Variants in GALNT9 observed in about 807,000 individuals in gnomAD.
GALNT9 encodes GalNAc transferase 9.
Under a neutral mutation model 63.1 loss-of-function variants are expected in GALNT9, and 47 were observed. That is an observed-to-expected ratio of 0.75 (90% CI 0.59 to 0.95). The LOEUF (loss-of-function observed/expected upper bound fraction) is 0.95. Among genes scored for constraint, GALNT9 ranks in the 40% least tolerant of loss-of-function variants. GALNT9 has a pLI of 0.00. For missense variants in GALNT9, 829 were observed against 874.8 expected (o/e 0.95, Z 0.66); for synonymous variants, 396 against 365.7 (o/e 1.08, Z -0.94).
chr12:132,243,567 G>T (rs185695256), intron 6 of GALNT9, among the ~76,000 whole-genome samples: 3 of 152,154 alleles, frequency 2.0e-5, no homozygotes, highest in Non-Finnish European at 4.4e-5. Flanking sequence ...ACGTCTCTTC[G>T]TCTGGCTCCC....
In GALNT9 at chr12:132,306,513, T is replaced by C. The variant is rs552896403; in HGVS notation, c.239-20083A>G. Among the ~76,000 whole-genome samples, 144 of 152,198 alleles carry C rather than the reference T, an allele frequency of 9.5e-4. 1 individual carries two copies. The South Asian group carries it at 0.029, about 30-fold the overall frequency. On this transcript the variant is annotated intron_variant, in intron 1 of 10. Coordinates refer to ENST00000328957, the MANE Select transcript of GALNT9 (RefSeq NM_001122636.2). Reference sequence around the variant, plus strand: ...GGGGGTCTAGACTGTGGGCAACAAGTTCTTAAGGCGAAGTCAGTTCGGACA... The same window carrying C: ...GGGGGTCTAGACTGTGGGCAACAAGCTCTTAAGGCGAAGTCAGTTCGGACA...
intron 6 of GALNT9, among the ~76,000 whole-genome samples, chr12:132,225,906 CCCA>C (rs1331029385): frequency 1.6e-4 from 23 of 147,306 alleles, no homozygotes; most frequent in Non-Finnish European, 1.7e-4. Flanking sequence ...CAACCCACAC[CCCA>C]CACACTGTAC....
At chr12:132,255,781 G>A (rs1218358374) in intron 5 of GALNT9, among the ~76,000 whole-genome samples, 2 of 152,212 alleles carry the variant, frequency 1.3e-5, no homozygotes, top group African/African-American at 2.4e-5. Flanking sequence ...CAGGCTGCAC[G>A]CCTGCACGCT....
At position 132,248,015 on chromosome 12, in the gene GALNT9, C is replaced by T; in HGVS notation, c.972G>A (p.Met324Ile). Residue 324 changes from methionine to isoleucine, a missense_variant, in exon 6 of 11, where the codon ATG becomes ATA. Physicochemically the swap from Met to Ile is conservative, Grantham distance 10 (BLOSUM62 1). Coordinates refer to ENST00000328957, the MANE Select transcript of GALNT9 (RefSeq NM_001122636.2). ...GGTCCACTACGAAGGAGCAGCCGAT[C>T]ATGGCTGGGGTCCTGGGAGGCAGAG... ...DESAPIRTPAMIGCSFVVDRE... is the reference protein window; with the variant it reads ...DESAPIRTPAIIGCSFVVDRE... 1 of 1,550,902 alleles carries T rather than the reference C, an allele frequency of 6.4e-7. No individual in the cohort carries two copies. Among genetic ancestry groups the T allele is most frequent in the South Asian group, 1.2e-5 (1 of 83,976 alleles).
intron 1 of GALNT9, among the ~76,000 whole-genome samples, chr12:132,325,935 C>T (rs1387490057): frequency 6.6e-6 from 1 of 152,266 alleles, no homozygotes; most frequent in Non-Finnish European, 1.5e-5. Context: ...GTGAGTCCAG[C>T]CGCTGCGACG....
chr12:132,286,237 G>C lies in GALNT9; in HGVS notation c.419+13C>G. The stretch of plus-strand genomic sequence containing the variant: ...GGCGGGCGTCGGGGGATGGGGGGCA[G>C]TCACTCACTCACTTTCTGGGCCGGT... On this transcript the variant is annotated intron_variant, in intron 2 of 10. Coordinates refer to ENST00000328957, the MANE Select transcript of GALNT9 (RefSeq NM_001122636.2). The surrounding 1 kb of genome is among the most constrained non-coding windows in gnomAD (Gnocchi z 7.4). 1.3e-6 allele frequency: 2 copies of C among 1,545,174 alleles called. No homozygotes were observed. The highest frequency in any genetic ancestry group is 1.8e-6 in the Non-Finnish European group (2 of 1,142,830).
chr12:132,213,524 C>T (rs538669553), intron 6 of GALNT9, among the ~76,000 whole-genome samples: 9 of 151,830 alleles, frequency 5.9e-5, no homozygotes, highest in South Asian at 2.1e-4. Context: ...CTCACACACA[C>T]GCACTCCCAC....
intron 1 of GALNT9, among the ~76,000 whole-genome samples, chr12:132,322,550 T>A (rs1401841531): frequency 6.6e-6 from 1 of 152,120 alleles, no homozygotes; most frequent in Admixed American, 6.5e-5. Context: ...GAGGGGTGAG[T>A]GTTTGCACAG....
intron 6 of GALNT9, among the ~76,000 whole-genome samples, chr12:132,220,014 C>T (rs556713480): frequency 6.6e-6 from 1 of 152,346 alleles, no homozygotes; most frequent in East Asian, 1.9e-4. Context: ...TCAGAAGTGC[C>T]AGGAGGAGAC....
rs978433937 is a variant in GALNT9 at position 132,245,660 on chromosome 12, G to A, written c.1077+2250C>T. ...GGTCCAGCACCCACACCCCCAGCCC[G>A]GCCTGCTGACCCTCGCCCACCACAC... On this transcript the variant is annotated intron_variant, in intron 6 of 10. Coordinates refer to ENST00000328957, the MANE Select transcript of GALNT9 (RefSeq NM_001122636.2). This position sits in a 1 kb window ranked among gnomAD's most constrained non-coding sequence, Gnocchi z 6.3. Among the ~76,000 whole-genome samples, 2 of 151,360 alleles carry A rather than the reference G, an allele frequency of 1.3e-5. No homozygotes were observed. Among genetic ancestry groups the A allele is most frequent in the African/African-American group, 2.4e-5 (1 of 41,150 alleles).
At chr12:132,204,612 C>T (rs933702343) in intron 6 of GALNT9, among the ~76,000 whole-genome samples, 3 of 152,160 alleles carry the variant, frequency 2.0e-5, no homozygotes, top group Non-Finnish European at 4.4e-5. Context: ...ATCTCGGTAC[C>T]CTCAGCCCCC....
rs112583943 is a variant in GALNT9, at chr12:132,269,513, C to T, written c.420-6888G>A. Reference sequence around the variant, plus strand: ...AGGGGCGTCAGGGAGGAGCCCGTGCCGGTCCCGAGCCCAGGGCGGGGTGGC... The same window carrying T: ...AGGGGCGTCAGGGAGGAGCCCGTGCTGGTCCCGAGCCCAGGGCGGGGTGGC... On this transcript the variant is annotated intron_variant, in intron 2 of 10. Transcript: ENST00000328957. Among the ~76,000 whole-genome samples, 410 of 152,236 alleles carry T rather than the reference C, an allele frequency of 2.7e-3. 1 individual carries two copies. The highest frequency in any genetic ancestry group is 9.2e-3 in the African/African-American group (384 of 41,544).
chr12:132,314,562 T>A (rs1593122571), intron 1 of GALNT9, among the ~76,000 whole-genome samples: 1 of 152,216 alleles, frequency 6.6e-6, no homozygotes, highest in East Asian at 1.9e-4. Flanking sequence ...CAACTCCCAA[T>A]GTGCAGCTCA....
In GALNT9 at chr12:132,197,831, A is replaced by G. The variant is rs1302237745; in HGVS notation, c.1626T>C (p.Asp542=). 2 of 1,597,568 alleles carry G rather than the reference A, an allele frequency of 1.3e-6. No individual in the cohort carries two copies. The highest frequency in any genetic ancestry group is 1.7e-6 in the Non-Finnish European group (2 of 1,172,892). The change falls in exon 10 of 11, where the codon GAT becomes GAC. Residue 542 remains aspartate (D), a synonymous_variant. Coordinates refer to ENST00000328957, the MANE Select transcript of GALNT9 (RefSeq NM_001122636.2). The part of the protein sequence containing the change: ...GRMPTLKKCE[D]VARPTQRLWD... ...ACAGCCGCTGTGTTGGCCGCGCCAC[A>G]TCCTCACACTTCTTCAGGGTGGGCA... is the stretch of plus-strand genomic sequence containing the variant.
chr12:132,216,836 T>C (rs1714607119), intron 6 of GALNT9, among the ~76,000 whole-genome samples: 1 of 152,260 alleles, frequency 6.6e-6, no homozygotes, highest in South Asian at 2.1e-4. Context: ...GCGGCGTTTC[T>C]GGGCTTTTCG....
At chr12:132,320,191 T>C (rs1281567153) in intron 1 of GALNT9, among the ~76,000 whole-genome samples, 1 of 150,810 alleles carries the variant, frequency 6.6e-6, no homozygotes, top group Non-Finnish European at 1.5e-5. Context: ...CCACAGCACA[T>C]CCACACACGC....
In GALNT9 at chr12:132,236,131, C is replaced by T. The variant is rs1593074699; in HGVS notation, c.1077+11779G>A. ...GTCCCCCGGGCTGGAGTTCAACCCT[C>T]GGGACAGGGCAGAAGATCCCCTGGG... On this transcript the variant is annotated intron_variant, in intron 6 of 10. Coordinates refer to ENST00000328957, the MANE Select transcript of GALNT9 (RefSeq NM_001122636.2). The surrounding 1 kb of genome is among the most constrained non-coding windows in gnomAD (Gnocchi z 5.6). Among the ~76,000 whole-genome samples, 1 of 151,402 alleles carries T rather than the reference C, an allele frequency of 6.6e-6. No individual in the cohort carries two copies. Among genetic ancestry groups the T allele is most frequent in the African/African-American group, 2.4e-5 (1 of 41,152 alleles).
chr12:132,224,643 GTACA>G (rs1410595360), intron 6 of GALNT9, among the ~76,000 whole-genome samples: 3 of 35,798 alleles, frequency 8.4e-5, no homozygotes, highest in African/African-American at 3.7e-4. Flanking sequence ...ACACCCCAGC[GTACA>G]TACACACCCC....
chr12:132,201,336 G>T, intron 7 of GALNT9, 75 bp from the exon 8 acceptor site: 1 of 1,019,460 alleles, frequency 9.8e-7, no homozygotes, highest in Non-Finnish European at 1.5e-6. Context: ...TGAGGTTGGG[G>T]GTCTCCAGGG....
Sources: gnomAD v4.1 joint callset for allele counts (sites outside exome capture counted in the v4.1 genomes callset) on GRCh38, gnomAD v4.1.1 for gene constraint, Gnocchi (gnomAD v3.1) non-coding constraint, MANE v1.5 for transcripts, NCBI Gene and HGNC (gene_info 2026-07-23, HGNC 2026-07-21) for gene names.